Variants in POLR2M observed in about 807,000 individuals in gnomAD.
POLR2M encodes the protein protein GRINL1A.
In POLR2M, 30 loss-of-function variants were observed where a neutral mutation model predicts 34.6. That is an observed-to-expected ratio of 0.87 (90% CI 0.65 to 1.18). The LOEUF is 1.18. Among genes scored for constraint, POLR2M ranks in the 50% most tolerant of loss-of-function variants. The pLI, the probability that POLR2M is intolerant of heterozygous loss-of-function variation, is 0.00. For missense variants in POLR2M, 432 were observed against 448.7 expected (o/e 0.96, Z 0.34); for synonymous variants, 150 against 166.7 (o/e 0.90, Z 0.77).
At chr15:57,712,307 C>G in intron 3 of POLR2M, 119 bp downstream of exon 3, 5 of 1,169,682 alleles carry the variant, frequency 4.3e-6, no homozygotes, top group Non-Finnish European at 6.0e-6. Context: ...TCCATGAGCT[C>G]AGATCTATGC....
intron 1 of POLR2M, 151 bp from the exon 2 acceptor site, chr15:57,708,563 G>T: frequency 1.4e-6 from 1 of 732,338 alleles, no homozygotes; most frequent in Non-Finnish European, 2.1e-6. Flanking sequence ...CATTTTAATT[G>T]TTTTATTCTT....
In POLR2M at chr15:57,709,142, C is replaced by G. The variant is rs186295545; in HGVS notation, c.542C>G (p.Ala181Gly). 3 of 1,614,052 alleles carry G rather than the reference C, an allele frequency of 1.9e-6. No individual in the cohort carries two copies. In the African/African-American group the frequency reaches 4.0e-5, roughly 22 times the overall value. ...HHPRHRVSSQ[A>G]EDTSSSFDNL... is the part of the protein sequence containing the mutation. ...CCGCGGCATCGTGTTTCAAGTCAAGCGGAAGATACTTCCAGCAGCTTTGAC... is the reference window on the plus strand; with the variant it reads ...CCGCGGCATCGTGTTTCAAGTCAAGGGGAAGATACTTCCAGCAGCTTTGAC... The change falls in exon 2 of 4, where the codon GCG becomes GGG. Residue 181 changes from alanine to glycine, a missense_variant. Coordinates refer to ENST00000299638, the MANE Select transcript of POLR2M (RefSeq NM_015532.5).
At position 57,709,443 on chromosome 15, in the gene POLR2M, C is replaced by G; in HGVS notation, c.758+85C>G. The G allele has an allele frequency of 2.7e-6, 4 of 1,485,376 alleles. No individual in the cohort carries two copies. The Middle Eastern group carries it at 7.3e-4, about 271-fold the overall frequency. 92.0% of individuals were successfully genotyped at this position (1,485,376 alleles called of 1,614,324 possible). A position where few individuals can be genotyped will look rare whatever the true frequency, so the allele number is the denominator to read the frequency against. Reference sequence around the variant, plus strand: ...TTACGAGAAACTGGGTGTGGTGGTGCTTGCCTGTAGTCCCAGGCTACTCAG... The same window carrying G: ...TTACGAGAAACTGGGTGTGGTGGTGGTTGCCTGTAGTCCCAGGCTACTCAG... On this transcript the variant is annotated intron_variant, in intron 2 of 3. Coordinates refer to ENST00000299638, the MANE Select transcript of POLR2M (RefSeq NM_015532.5).
intron 3 of POLR2M, 120 bp from the exon 4 acceptor site, chr15:57,714,416 G>A (rs1328436068): frequency 2.0e-5 from 31 of 1,520,988 alleles, no homozygotes; most frequent in Non-Finnish European, 2.7e-5. Flanking sequence ...TATTGCCCAA[G>A]GGAGCACTCA....
chr15:57,711,374 G>C (rs1421072217), intron 2 of POLR2M, among the ~76,000 whole-genome samples: 3 of 152,144 alleles, frequency 2.0e-5, no homozygotes, highest in Non-Finnish European at 4.4e-5. Flanking sequence ...ATCCGAACTT[G>C]TTACGGAGAA....
At chr15:57,713,892 AGTTCAGTGGCGCAGTCTCAGCTCACTG>A (rs2040841276) in intron 3 of POLR2M, among the ~76,000 whole-genome samples, 1 of 123,460 alleles carries the variant, frequency 8.1e-6, no homozygotes, top group Non-Finnish European at 1.6e-5. Context: ...CCCAGGCTGG[AGTTCAGTGGCGCAGTCTCAGCTCACTG>A]CAAGCTCCGC....
intron 3 of POLR2M, 103 bp downstream of exon 3, chr15:57,712,291 G>A: frequency 7.3e-7 from 1 of 1,367,526 alleles, no homozygotes; most frequent in South Asian, 1.4e-5. Context: ...GAGGGGATTA[G>A]GTGCTTCCAT....
At chr15:57,711,114 A>G (rs993826809) in intron 2 of POLR2M, among the ~76,000 whole-genome samples, 1 of 152,078 alleles carries the variant, frequency 6.6e-6, no homozygotes, top group Non-Finnish European at 1.5e-5. Flanking sequence ...GGTGATTTCC[A>G]TATTCCCTAA....
rs2040939995 is a variant in POLR2M at position 57,716,281 on chromosome 15, T to A, written c.*1602T>A. 1 of 152,260 alleles carries A rather than the reference T, an allele frequency of 6.6e-6. No homozygotes were observed. Among genetic ancestry groups the A allele is most frequent in the African/African-American group, 2.4e-5 (1 of 41,460 alleles). The allele number at this position is 152,260 out of a possible 1,614,324, so 9.4% of individuals were successfully genotyped here. ...GCTGTAGGATATTTTATTTCATGGG[T>A]ATACCATAACTTTAAGATTTATTTC... On this transcript the variant is annotated 3_prime_UTR_variant, in exon 4 of 4. Coordinates refer to ENST00000299638, the MANE Select transcript of POLR2M (RefSeq NM_015532.5).
At chr15:57,707,570 A>G in intron 1 of POLR2M, 1 of 459,952 alleles carries the variant, frequency 2.2e-6, no homozygotes, top group Non-Finnish European at 4.4e-6. Flanking sequence ...GACACTTGTA[A>G]GAAAGTGAGC....
chr15:57,710,810 G>A (rs2040678193), intron 2 of POLR2M, among the ~76,000 whole-genome samples: 1 of 152,164 alleles, frequency 6.6e-6, no homozygotes, highest in Middle Eastern at 3.2e-3. Flanking sequence ...GCTTTGAGGA[G>A]TCCTTAGGCC....
At chr15:57,710,988 G>T (rs1183193451) in intron 2 of POLR2M, among the ~76,000 whole-genome samples, 3 of 152,172 alleles carry the variant, frequency 2.0e-5, no homozygotes, top group African/African-American at 7.2e-5. Flanking sequence ...CTCTATCCCA[G>T]ATCTTCCCAG....
rs2040940184 is a variant in POLR2M, at chr15:57,716,284, A to G, written c.*1605A>G. 1 of 152,262 alleles carries G rather than the reference A, an allele frequency of 6.6e-6. No individual in the cohort carries two copies. Among genetic ancestry groups the G allele is most frequent in the South Asian group, 2.1e-4 (1 of 4,832 alleles). 9.4% of individuals were successfully genotyped at this position (152,262 alleles called of 1,614,324 possible). A position where few individuals can be genotyped will look rare whatever the true frequency, so the allele number is the denominator to read the frequency against. On this transcript the variant is annotated 3_prime_UTR_variant, in exon 4 of 4. Coordinates refer to ENST00000299638, the MANE Select transcript of POLR2M (RefSeq NM_015532.5). ...GTAGGATATTTTATTTCATGGGTAT[A>G]CCATAACTTTAAGATTTATTTCCTA...
In POLR2M at chr15:57,709,205, C is replaced by G; in HGVS notation, c.605C>G (p.Ala202Gly). Residue 202 changes from alanine (A) to glycine (G), a missense_variant, in exon 2 of 4, where the codon GCG becomes GGG. Ala to Gly is a moderately conservative substitution (Grantham distance 60). Coordinates refer to ENST00000299638, the MANE Select transcript of POLR2M (RefSeq NM_015532.5). ...FIDRLQRITI[A>G]DQGEQQSEEN... ...GACAGGTTACAGAGGATCACCATTG[C>G]GGACCAAGGTGAACAACAGTCAGAA... 6.2e-7 allele frequency: 1 copy of G among 1,614,114 alleles called. No individual in the cohort carries two copies. The highest frequency in any genetic ancestry group is 1.6e-4 in the Middle Eastern group (1 of 6,062).
At position 57,715,959 on chromosome 15, in the gene POLR2M, T is replaced by C. The variant is rs1477019163; in HGVS notation, c.*1280T>C. On this transcript the variant is annotated 3_prime_UTR_variant, in exon 4 of 4. Coordinates refer to ENST00000299638, the MANE Select transcript of POLR2M (RefSeq NM_015532.5). ...TGAAAAGTATACTGACCTAAGATTC[T>C]CATTAGTTTTAGTTCTTAAAACGAA... The C allele has an allele frequency of 6.6e-6, 1 of 152,290 alleles. No homozygotes were observed. Among genetic ancestry groups the C allele is most frequent in the African/African-American group, 2.4e-5 (1 of 41,474 alleles). The allele number at this position is 152,290 out of a possible 1,614,324, so 9.4% of individuals were successfully genotyped here. A position where few individuals can be genotyped will look rare whatever the true frequency, so the allele number is the denominator to read the frequency against.
In POLR2M at chr15:57,706,764, T is replaced by A. The variant is rs552595736; in HGVS notation, c.-79T>A. 29 of 1,489,080 alleles carry A rather than the reference T, an allele frequency of 1.9e-5. No individual in the cohort carries two copies. In the African/African-American group the frequency reaches 2.9e-4, roughly 15 times the overall value. 92.2% of individuals were successfully genotyped at this position (1,489,080 alleles called of 1,614,324 possible). A position where few individuals can be genotyped will look rare whatever the true frequency, so the allele number is the denominator to read the frequency against. ...CGCTCGTGCCCCGGAGTCACCGCCG[T>A]CCGCGGATCCGGCGCTAGTAGCGGG... On this transcript the variant is annotated 5_prime_UTR_variant, in exon 1 of 4. Transcript: ENST00000299638.
Position 57,711,953 on chromosome 15 carries a change from GATTGTATAACACAA to G in POLR2M, c.759-30_759-17del, listed in dbSNP as rs760666248. ...AATGTGTCTACAAATAAAATAATCT[GATTGTATAACACAA>G]GTTTTCCTTTCATCAGGTTACCTTT... On this transcript the variant is annotated splice_polypyrimidine_tract_variant and intron_variant, in intron 2 of 3. Coordinates refer to ENST00000299638, the MANE Select transcript of POLR2M (RefSeq NM_015532.5). The G allele has an allele frequency of 1.9e-6, 3 of 1,611,484 alleles. No homozygotes were observed. Among genetic ancestry groups the G allele is most frequent in the Non-Finnish European group, 2.5e-6 (3 of 1,178,498 alleles).
intron 1 of POLR2M, among the ~76,000 whole-genome samples, chr15:57,707,987 ACT>A (rs1206721152): frequency 3.3e-5 from 5 of 152,158 alleles, no homozygotes; most frequent in Non-Finnish European, 5.9e-5. Context: ...CAGAAAAGGA[ACT>A]CTGTCATCCA....
rs2040498385 is a variant in POLR2M at position 57,706,813 on chromosome 15, C to A, written c.-30C>A. 1 of 1,541,572 alleles carries A rather than the reference C, an allele frequency of 6.5e-7. No individual in the cohort carries two copies. Among genetic ancestry groups the A allele is most frequent in the Non-Finnish European group, 8.8e-7 (1 of 1,139,520 alleles). ...GGGCCTGCCGAGGAAGCCGAGTGCC[C>A]GCCGCCGCGCCAGCCTCAGCCCGCG... On this transcript the variant is annotated 5_prime_UTR_variant, in exon 1 of 4. Coordinates refer to ENST00000299638, the MANE Select transcript of POLR2M (RefSeq NM_015532.5).
Sources: allele counts gnomAD v4.1 joint callset (sites outside exome capture counted in the v4.1 genomes callset), GRCh38; gene constraint gnomAD v4.1.1; transcripts MANE v1.5; gene names NCBI Gene and HGNC (gene_info 2026-07-23, HGNC 2026-07-21).